The following ACAP2 variants were observed in gnomAD, a reference collection of about 807,000 sequenced individuals.
ACAP2 encodes the protein ArfGAP with coiled-coil, ankyrin repeat and PH domains 2, also known as arf-GAP with coiled-coil, ANK repeat and PH domain-containing protein 2.
Under a neutral mutation model 115.8 loss-of-function variants are expected in ACAP2, and 39 were observed. The observed-to-expected ratio is 0.34, with a 90% CI of 0.26 to 0.44. ACAP2 has a LOEUF of 0.44. ACAP2 is among the 20% of genes least tolerant of loss of function. ACAP2 has a pLI of 1.00. For synonymous variants in ACAP2, 289 were observed against 315.8 expected (o/e 0.92, Z 0.90); for missense variants, 662 against 927.6 (o/e 0.71, Z 3.72).
At chr3:195,346,502 CGA>C (rs1259685405) in intron 4 of ACAP2, among the ~76,000 whole-genome samples, 1 of 152,056 alleles carries the variant, frequency 6.6e-6, no homozygotes, top group Admixed American at 6.5e-5. Flanking sequence ...ATTCAACAGA[CGA>C]AATGGACAAA....
intron 1 of ACAP2, among the ~76,000 whole-genome samples, chr3:195,416,751 C>G (rs1713763710): frequency 6.6e-6 from 1 of 152,100 alleles, no homozygotes; most frequent in Non-Finnish European, 1.5e-5. Context: ...GAAAATAAAA[C>G]TAAAGGAATG....
chr3:195,420,093 GAT>G (rs913289158), intron 1 of ACAP2, among the ~76,000 whole-genome samples: 3 of 151,966 alleles, frequency 2.0e-5, no homozygotes, highest in Non-Finnish European at 4.4e-5. Flanking sequence ...TCATGTAACA[GAT>G]ATGATTCCTT....
chr3:195,424,915 TAAAAAAAAAAAAAAAA>T (rs34038109), intron 1 of ACAP2, among the ~76,000 whole-genome samples: 8 of 55,646 alleles, frequency 1.4e-4, no homozygotes, highest in South Asian at 1.4e-3. Context: ...GACCCTGTCT[TAAAAAAAAAAAAAAAA>T]AAAAAAAAAA....
intron 4 of ACAP2, among the ~76,000 whole-genome samples, chr3:195,378,515 C>CAA (rs61041295): frequency 1.4e-5 from 2 of 147,926 alleles, no homozygotes; most frequent in Admixed American, 6.7e-5. Flanking sequence ...AACAAACAAA[C>CAA]AAAAAAAAAC....
At chr3:195,308,932 T>C (rs1411457182) in intron 10 of ACAP2, 95 bp from the exon 11 acceptor site, 4 of 1,206,830 alleles carry the variant, frequency 3.3e-6, no homozygotes, top group East Asian at 2.5e-5. Context: ...GGAAATCACA[T>C]TGTGTTAATT....
intron 20 of ACAP2, 49 bp from the exon 21 acceptor site, chr3:195,289,280 A>AG (rs1453474091): frequency 7.5e-7 from 1 of 1,342,086 alleles, no homozygotes; most frequent in Non-Finnish European, 1.0e-6. Flanking sequence ...AGAAAAAAAA[A>AG]TTAGTATTCA....
intron 2 of ACAP2, among the ~76,000 whole-genome samples, chr3:195,391,491 G>T (rs1734673784): frequency 6.6e-6 from 1 of 151,918 alleles, no homozygotes; most frequent in South Asian, 2.1e-4. Context: ...CTCCCAAAGT[G>T]CTGGGATTAC....
intron 1 of ACAP2, among the ~76,000 whole-genome samples, chr3:195,416,528 C>A (rs1265818811): frequency 2.6e-5 from 4 of 152,046 alleles, no homozygotes; most frequent in Non-Finnish European, 4.4e-5. Flanking sequence ...TGATATAACA[C>A]CTTTAGAAAG....
chr3:195,395,621 T>C (rs1262336456), intron 1 of ACAP2, among the ~76,000 whole-genome samples: 1 of 152,226 alleles, frequency 6.6e-6, no homozygotes, highest in African/African-American at 2.4e-5. Flanking sequence ...TATGGCAGCT[T>C]CCACGCCATG....
chr3:195,391,236 T>C (rs1179000371), intron 2 of ACAP2, among the ~76,000 whole-genome samples: 2 of 150,178 alleles, frequency 1.3e-5, no homozygotes, highest in Non-Finnish European at 3.0e-5. Flanking sequence ...TTCTTTTTTT[T>C]TTTTTTTTTT....
rs1162758284 is a variant in ACAP2 at position 195,277,695 on chromosome 3, CCT to C, written c.*1631_*1632del. ...CATAAAGTTTTTATATATTTTAAAA[CCT>C]CTTATTTAGAAAGAGTATCAATAAT... On this transcript the variant is annotated 3_prime_UTR_variant, in exon 23 of 23. Coordinates refer to ENST00000326793, the MANE Select transcript of ACAP2 (RefSeq NM_012287.6). 1.3e-5 allele frequency: 2 copies of C among 152,088 alleles called. No homozygotes were observed. Among genetic ancestry groups the C allele is most frequent in the African/African-American group, 4.8e-5 (2 of 41,412 alleles). The allele number at this position is 152,088 out of a possible 1,614,324, so 9.4% of individuals were successfully genotyped here.
intron 21 of ACAP2, among the ~76,000 whole-genome samples, chr3:195,287,982 T>C (rs1259642672): frequency 6.6e-6 from 1 of 151,762 alleles, no homozygotes; most frequent in East Asian, 1.9e-4. Context: ...ATGTGTGTAA[T>C]CCCAGCTACT....
intron 10 of ACAP2, among the ~76,000 whole-genome samples, chr3:195,317,023 G>A (rs763017459): frequency 4.1e-5 from 6 of 147,286 alleles, no homozygotes; most frequent in East Asian, 2.1e-4. Context: ...TCAGCCTGCC[G>A]AGTAGCTGGG....
At chr3:195,432,797 TCA>T (rs1715237589) in intron 1 of ACAP2, among the ~76,000 whole-genome samples, 1 of 152,240 alleles carries the variant, frequency 6.6e-6, no homozygotes, top group Non-Finnish European at 1.5e-5. Flanking sequence ...TTAACAATAT[TCA>T]GCCTTCTGAT....
intron 9 of ACAP2, among the ~76,000 whole-genome samples, chr3:195,322,034 A>T (rs1729488437): frequency 6.6e-6 from 1 of 152,208 alleles, no homozygotes; most frequent in South Asian, 2.1e-4. Context: ...CTTTTTTATG[A>T]GTACTATGAA....
chr3:195,391,609 G>T (rs1734682453), intron 2 of ACAP2, among the ~76,000 whole-genome samples: 1 of 152,118 alleles, frequency 6.6e-6, no homozygotes, highest in Admixed American at 6.6e-5. Context: ...CTGGCACTTA[G>T]ATTAGACTTT....
intron 8 of ACAP2, among the ~76,000 whole-genome samples, chr3:195,331,077 C>T (rs1730133757): frequency 6.6e-6 from 1 of 152,188 alleles, no homozygotes; most frequent in African/African-American, 2.4e-5. Flanking sequence ...TACTTGCAAA[C>T]AAACCTCATC....
chr3:195,296,649 C>T (rs1277294352), intron 16 of ACAP2, among the ~76,000 whole-genome samples: 1 of 152,130 alleles, frequency 6.6e-6, no homozygotes, highest in Non-Finnish European at 1.5e-5. Flanking sequence ...AACTCTTAGC[C>T]ACTTCATTCA....
intron 2 of ACAP2, among the ~76,000 whole-genome samples, chr3:195,386,940 A>G (rs1183902900): frequency 2.0e-5 from 3 of 152,218 alleles, no homozygotes; most frequent in Admixed American, 6.5e-5. Context: ...TCAGCATTCC[A>G]GATTTCAAAG....
Sources: allele counts gnomAD v4.1 joint callset (sites outside exome capture counted in the v4.1 genomes callset), GRCh38; gene constraint gnomAD v4.1.1; transcripts MANE v1.5; gene names NCBI Gene and HGNC (gene_info 2026-07-23, HGNC 2026-07-21).